SCAP: variants seen among roughly 807,000 people sequenced by gnomAD.
SCAP encodes the protein SREBF chaperone.
A neutral mutation model predicts 123.6 loss-of-function variants in SCAP; 65 were observed. That is an observed-to-expected ratio of 0.53 (90% CI 0.43 to 0.65). The LOEUF (loss-of-function observed/expected upper bound fraction) is 0.65, where lower values mean the gene tolerates loss of function less well. Ranked by LOEUF, SCAP falls within the 30% of genes least tolerant of loss-of-function variation. The probability of loss-of-function intolerance (pLI) is 0.00; values close to 1 mark genes in which losing one functional copy is unlikely to be tolerated. For synonymous variants in SCAP, 740 were observed against 726.3 expected, an observed-to-expected ratio of 1.02 and a Z score of -0.30; for missense variants, 1,398 against 1,712.5, an observed-to-expected ratio of 0.82 and a Z score of 3.24.
rs1559533518 is a variant in SCAP, at chr3:47,413,940, C to A, written c.3754G>T (p.Val1252Leu). 6.2e-7 allele frequency: 1 copy of A among 1,613,296 alleles called. No homozygotes were observed. The change falls in exon 23 of 23, where the codon GTG becomes TTG. Residue 1252 changes from valine to leucine, a missense_variant. By Grantham distance (32) the Val-to-Leu change is conservative (BLOSUM62 1). Transcript: ENST00000265565. ...SEAQPARQIL[V>L]LDNAAIVCNF... The stretch of plus-strand genomic sequence containing the variant: ...CAGACAATGGCAGCGTTGTCCAGCA[C>A]CAGGATCTGGCGGGCAGGCTGGGCC...
chr3:47,438,176 C>T (rs897257641), intron 2 of SCAP, among the ~76,000 whole-genome samples: 10 of 152,188 alleles, frequency 6.6e-5, no homozygotes, highest in Admixed American at 1.3e-4. Context: ...TGTGAAACGC[C>T]TCTTCAAGTC....
In SCAP at chr3:47,413,772, G is replaced by T; in HGVS notation, c.*82C>A. The stretch of plus-strand genomic sequence containing the variant: ...GGAGGCAGCGGCTGGAAGATACTCG[G>T]CTCTTTCCCCCAAGTCCAGGTTCAG... On this transcript the variant is annotated 3_prime_UTR_variant, in exon 23 of 23. Transcript: ENST00000265565. 2 of 1,521,656 alleles carry T rather than the reference G, an allele frequency of 1.3e-6. No individual in the cohort carries two copies. Among genetic ancestry groups the T allele is most frequent in the Non-Finnish European group, 1.8e-6 (2 of 1,128,220 alleles). The allele number at this position is 1,521,656 out of a possible 1,614,324, so 94.3% of individuals were successfully genotyped here. A position where few individuals can be genotyped will look rare whatever the true frequency, so the allele number is the denominator to read the frequency against.
Position 47,414,162 on chromosome 3 carries a change from G to A in SCAP, c.3594+18C>T. 6.2e-7 allele frequency: 1 copy of A among 1,613,588 alleles called. No homozygotes were observed. The highest frequency in any genetic ancestry group is 1.3e-5 in the African/African-American group (1 of 75,032). The stretch of plus-strand genomic sequence containing the variant: ...TTCCCTAAAATCCCAAGAATCCTAT[G>A]ATCCCCATCCCCTCTACCTGCTGAA... On this transcript the variant is annotated intron_variant, in intron 22 of 22. Coordinates refer to ENST00000265565, the MANE Select transcript of SCAP (RefSeq NM_012235.4).
chr3:47,458,392 G>A (rs972727601), intron 1 of SCAP, among the ~76,000 whole-genome samples: 1 of 151,880 alleles, frequency 6.6e-6, no homozygotes, highest in Non-Finnish European at 1.5e-5. Context: ...TTGCACCACT[G>A]CACTCCAGCC....
In SCAP at chr3:47,413,821, CCA is replaced by C; in HGVS notation, c.*31_*32del. On this transcript the variant is annotated 3_prime_UTR_variant, in exon 23 of 23. Coordinates refer to ENST00000265565, the MANE Select transcript of SCAP (RefSeq NM_012235.4). ...AGTGCATTGGCCCCCACACAGCACC[CCA>C]GCCTCCTGCCTGGGCAAGGAGGCCC... 1.9e-6 allele frequency: 3 copies of C among 1,601,230 alleles called. No individual in the cohort carries two copies. The highest frequency in any genetic ancestry group is 2.6e-6 in the Non-Finnish European group (3 of 1,172,874).
At chr3:47,467,700 C>G (rs1707875263) in intron 1 of SCAP, among the ~76,000 whole-genome samples, 1 of 152,092 alleles carries the variant, frequency 6.6e-6, no homozygotes, top group South Asian at 2.1e-4. Context: ...ATCAATATTC[C>G]TTAGAAAATA....
In SCAP at chr3:47,419,624, C is replaced by T. The variant is rs542922334; in HGVS notation, c.1644G>A (p.Thr548=). 1.7e-4 allele frequency: 266 copies of T among 1,586,458 alleles called. 4 individuals are homozygous for T. The South Asian group carries it at 2.8e-3, about 17-fold the overall frequency. Reference sequence around the variant, plus strand: ...CTCCCTCACCCAATGGGCTCTGTTCCGTCACCTGGGCAGCGAGGTAGTTGC... The same window carrying T: ...CTCCCTCACCCAATGGGCTCTGTTCTGTCACCTGGGCAGCGAGGTAGTTGC... ...GLRNYLAAQV[T]EQSPLGEGAL... is the part of the protein sequence containing the mutation. The change falls in exon 13 of 23, where the codon ACG becomes ACA. Residue 548 remains threonine, a synonymous_variant. Transcript: ENST00000265565. This position sits in a 1 kb window ranked among gnomAD's most constrained non-coding sequence, Gnocchi z 5.0.
At position 47,440,039 on chromosome 3, in the gene SCAP, T is replaced by C. The variant is rs149205262; in HGVS notation, c.122+2833A>G. On this transcript the variant is annotated intron_variant, in intron 2 of 22. Coordinates refer to ENST00000265565, the MANE Select transcript of SCAP (RefSeq NM_012235.4). The stretch of plus-strand genomic sequence containing the variant: ...CCATCCCCCCAGTACTGCTCTGTAC[T>C]TTCCCTGGGGTGACCCAGTGGTGGT... Among the ~76,000 whole-genome samples, 391 of 152,328 alleles carry C rather than the reference T, an allele frequency of 2.6e-3. 4 individuals are homozygous for C. The highest frequency in any genetic ancestry group is 8.9e-3 in the African/African-American group (371 of 41,590).
chr3:47,472,218 G>A (rs1258242392), intron 1 of SCAP, among the ~76,000 whole-genome samples: 2 of 151,404 alleles, frequency 1.3e-5, no homozygotes, highest in Admixed American at 6.6e-5. Context: ...TGGATCATGA[G>A]GTCAGGAGAT....
chr3:47,460,869 T>C (rs1244387402), intron 1 of SCAP, among the ~76,000 whole-genome samples: 1 of 152,084 alleles, frequency 6.6e-6, no homozygotes, highest in Non-Finnish European at 1.5e-5. Context: ...ACTCTTAATA[T>C]AAACGTTGCA....
Position 47,423,944 on chromosome 3 carries a change from C to T in SCAP, c.1139G>A (p.Arg380Gln). Residue 380 changes from arginine (R) to glutamine (Q), a missense_variant, in exon 9 of 23, where the codon CGG becomes CAG. Arg to Gln is a conservative substitution (Grantham distance 43, BLOSUM62 1). Transcript: ENST00000265565. ...TCCCACTGCGTTACCTTGGGCGATCCGCAGCTTCACCTCCAGGTCTACCGG... is the reference window on the plus strand; with the variant it reads ...TCCCACTGCGTTACCTTGGGCGATCTGCAGCTTCACCTCCAGGTCTACCGG... ...STPVDLEVKLRIAQGLSSESW... is the reference protein window; with the variant it reads ...STPVDLEVKLQIAQGLSSESW... 1 of 1,613,792 alleles carries T rather than the reference C, an allele frequency of 6.2e-7. No individual in the cohort carries two copies. The highest frequency in any genetic ancestry group is 8.5e-7 in the Non-Finnish European group (1 of 1,179,692).
At chr3:47,415,021 C>G in intron 19 of SCAP, 28 bp from the exon 20 acceptor site, 1 of 1,579,696 alleles carries the variant, frequency 6.3e-7, no homozygotes, top group Non-Finnish European at 8.6e-7. Flanking sequence ...AGTGAAGAAT[C>G]TCTGAGAAAG....
Position 47,417,148 on chromosome 3 carries a change from A to G in SCAP, c.3030T>C (p.Ile1010=). 6.2e-7 allele frequency: 1 copy of G among 1,613,098 alleles called. No homozygotes were observed. Among genetic ancestry groups the G allele is most frequent in the African/African-American group, 1.3e-5 (1 of 75,060 alleles). Residue 1010 remains isoleucine (I), a synonymous_variant, in exon 18 of 23, where the codon ATT becomes ATC. Coordinates refer to ENST00000265565, the MANE Select transcript of SCAP (RefSeq NM_012235.4). ...CCSSEEVSSG[I]TALVFLDKRI... Reference sequence around the variant, plus strand: ...TTTTGTCCAAGAACACCAGAGCGGTAATGCCTGAGGAGACCTCCTCGCTGC... The same window carrying G: ...TTTTGTCCAAGAACACCAGAGCGGTGATGCCTGAGGAGACCTCCTCGCTGC...
rs751688231 is a variant in SCAP, at chr3:47,413,804, G to A, written c.*50C>T. 3.1e-6 allele frequency: 5 copies of A among 1,587,882 alleles called. No individual in the cohort carries two copies. Among genetic ancestry groups the A allele is most frequent in the South Asian group, 1.1e-5 (1 of 88,246 alleles). ...CCCCCAAGTCCAGGTTCAGTGCATT[G>A]GCCCCCACACAGCACCCCAGCCTCC... On this transcript the variant is annotated 3_prime_UTR_variant, in exon 23 of 23. Transcript: ENST00000265565.
intron 1 of SCAP, among the ~76,000 whole-genome samples, chr3:47,445,323 T>G (rs986540620): frequency 6.7e-5 from 10 of 149,878 alleles, no homozygotes; most frequent in African/African-American, 2.5e-4. Flanking sequence ...CTCCACTCAA[T>G]GCAACCTCTG....
At chr3:47,475,132 C>T (rs947992950) in intron 1 of SCAP, among the ~76,000 whole-genome samples, 4 of 152,110 alleles carry the variant, frequency 2.6e-5, no homozygotes, top group Non-Finnish European at 4.4e-5. Context: ...AGGGGCTGAC[C>T]CCTGCCAGAG....
At chr3:47,437,265 C>A (rs1411906919) in intron 2 of SCAP, among the ~76,000 whole-genome samples, 2 of 151,364 alleles carry the variant, frequency 1.3e-5, no homozygotes, top group African/African-American at 2.4e-5. Context: ...CAGGGAGAAA[C>A]CCTGTCTCTA....
At chr3:47,437,909 G>C (rs1706648201) in intron 2 of SCAP, among the ~76,000 whole-genome samples, 1 of 152,094 alleles carries the variant, frequency 6.6e-6, no homozygotes, top group African/African-American at 2.4e-5. Flanking sequence ...TATGCACATT[G>C]AGCTTAGTAG....
At chr3:47,445,585 T>A (rs970226822) in intron 1 of SCAP, among the ~76,000 whole-genome samples, 6 of 151,712 alleles carry the variant, frequency 4.0e-5, no homozygotes, top group African/African-American at 1.2e-4. Flanking sequence ...CCAACTTTTT[T>A]TTTTGAAACG....
Sources: allele counts gnomAD v4.1 joint callset (sites outside exome capture counted in the v4.1 genomes callset), GRCh38; gene constraint gnomAD v4.1.1; non-coding constraint Gnocchi (gnomAD v3.1); transcripts MANE v1.5; gene names NCBI Gene and HGNC (gene_info 2026-07-23, HGNC 2026-07-21).